The following HS3ST4 variants were observed in gnomAD, a reference collection of about 807,000 sequenced individuals.
HS3ST4 encodes the protein heparan sulfate-glucosamine 3-sulfotransferase 4.
A neutral mutation model predicts 29.2 loss-of-function variants in HS3ST4; 17 were observed. The ratio of observed to expected loss-of-function variants is 0.58; its 90% CI spans 0.40 to 0.87. The LOEUF is 0.87. Ranked by LOEUF, HS3ST4 falls within the 40% of genes least tolerant of loss-of-function variation. The pLI is 0.00. For synonymous variants in HS3ST4, 314 were observed against 285.7 expected (o/e 1.10, Z -1.00); for missense variants, 627 against 634.5 (o/e 0.99, Z 0.13).
At chr16:25,786,008 A>G (rs939923282) in intron 1 of HS3ST4, among the ~76,000 whole-genome samples, 2 of 152,216 alleles carry the variant, frequency 1.3e-5, no homozygotes, top group Non-Finnish European at 2.9e-5. Flanking sequence ...TTGAAGACGT[A>G]GAATCAACAG....
chr16:25,814,307 T>C (rs1482900005), intron 1 of HS3ST4, among the ~76,000 whole-genome samples: 1 of 151,398 alleles, frequency 6.6e-6, no homozygotes, highest in Admixed American at 6.6e-5. Flanking sequence ...AAATAGAAGA[T>C]GCTCACTGAT....
intron 1 of HS3ST4, among the ~76,000 whole-genome samples, chr16:25,956,741 G>A (rs1411991923): frequency 6.6e-6 from 1 of 152,174 alleles, no homozygotes; most frequent in African/African-American, 2.4e-5. Flanking sequence ...GCTCATGCCT[G>A]TAATCCCAGC....
At chr16:25,717,510 GGTGTGT>G (rs763190199) in intron 1 of HS3ST4, among the ~76,000 whole-genome samples, 8,717 of 132,796 alleles carry the variant, frequency 0.066, 332 homozygotes, top group African/African-American at 0.13. Flanking sequence ...AAGGTGAAGG[GGTGTGT>G]GTGTGTGTGT....
intron 1 of HS3ST4, among the ~76,000 whole-genome samples, chr16:25,723,443 A>G (rs1966510302): frequency 6.6e-6 from 1 of 152,198 alleles, no homozygotes; most frequent in African/African-American, 2.4e-5. Flanking sequence ...TTGGATGGTT[A>G]TTTATAACTG....
intron 1 of HS3ST4, among the ~76,000 whole-genome samples, chr16:26,006,390 C>CT (rs989385140): frequency 1.9e-4 from 27 of 143,642 alleles, no homozygotes; most frequent in Non-Finnish European, 3.6e-4. Context: ...TGTTTGTTGG[C>CT]TTTTTTTAAG....
At chr16:26,007,587 C>T (rs1969269901) in intron 1 of HS3ST4, among the ~76,000 whole-genome samples, 1 of 152,178 alleles carries the variant, frequency 6.6e-6, no homozygotes, top group African/African-American at 2.4e-5. Flanking sequence ...TCACATCCAC[C>T]TTCATCCTCA....
At chr16:25,903,204 C>T (rs1053391061) in intron 1 of HS3ST4, among the ~76,000 whole-genome samples, 6 of 151,012 alleles carry the variant, frequency 4.0e-5, no homozygotes, top group African/African-American at 1.5e-4. Context: ...TTTTTTCTCC[C>T]ACTATACCCT....
chr16:25,692,951 C>T lies in HS3ST4; in HGVS notation c.534C>T (p.Asn178=). The change falls in exon 1 of 2, where the codon AAC becomes AAT. Residue 178 remains asparagine (N), a synonymous_variant. Transcript: ENST00000331351. ...ATCTCGCAGGCCGGAGAGCGGCCAA[C>T]GGGAGCAGCGAGAGGGGCGGCGCCG... ...DEDLAGRRAA[N]GSSERGGAVS... 1 of 1,609,886 alleles carries T rather than the reference C, an allele frequency of 6.2e-7. No individual in the cohort carries two copies. The highest frequency in any genetic ancestry group is 8.5e-7 in the Non-Finnish European group (1 of 1,178,774).
chr16:26,084,523 A>C (rs1360260753), intron 1 of HS3ST4, among the ~76,000 whole-genome samples: 1 of 152,170 alleles, frequency 6.6e-6, no homozygotes, highest in Admixed American at 6.5e-5. Context: ...TGAAGTATTA[A>C]ATGTTGCCTG....
At chr16:26,084,605 GA>G (rs1222939208) in intron 1 of HS3ST4, among the ~76,000 whole-genome samples, 3 of 149,990 alleles carry the variant, frequency 2.0e-5, no homozygotes, top group Non-Finnish European at 2.9e-5. Context: ...TCAAATGGTT[GA>G]AAAAAATTTT....
At chr16:25,734,029 A>C (rs532872669) in intron 1 of HS3ST4, among the ~76,000 whole-genome samples, 2 of 152,234 alleles carry the variant, frequency 1.3e-5, no homozygotes, top group Non-Finnish European at 2.9e-5. Flanking sequence ...AGGCAGAAGA[A>C]TCGCTTGAAC....
intron 1 of HS3ST4, among the ~76,000 whole-genome samples, chr16:25,820,732 G>C (rs115978608): frequency 6.6e-6 from 1 of 152,166 alleles, no homozygotes; most frequent in African/African-American, 2.4e-5. Flanking sequence ...ACCAGACCTG[G>C]CTAATTTTTT....
intron 1 of HS3ST4, among the ~76,000 whole-genome samples, chr16:25,900,630 T>G (rs556999424): frequency 1.3e-5 from 2 of 152,200 alleles, no homozygotes; most frequent in African/African-American, 4.8e-5. Context: ...TATTGCTCCC[T>G]TATTACCCGA....
At chr16:25,820,728 C>A (rs938076405) in intron 1 of HS3ST4, among the ~76,000 whole-genome samples, 1 of 152,092 alleles carries the variant, frequency 6.6e-6, no homozygotes, top group African/African-American at 2.4e-5. Flanking sequence ...CACCACCAGA[C>A]CTGGCTAATT....
chr16:25,722,403 G>GGTCC (rs1966503561), intron 1 of HS3ST4, among the ~76,000 whole-genome samples: 1 of 152,140 alleles, frequency 6.6e-6, no homozygotes, highest in Non-Finnish European at 1.5e-5. Flanking sequence ...TATTTGTGTA[G>GGTCC]GTCCAATACA....
chr16:25,920,606 C>CT (rs1555472477), intron 1 of HS3ST4, among the ~76,000 whole-genome samples: 24 of 147,664 alleles, frequency 1.6e-4, no homozygotes, highest in Non-Finnish European at 2.7e-4. Flanking sequence ...GCCCCCACCC[C>CT]TCTTTTTTTT....
chr16:25,811,015 G>A (rs1567244892), intron 1 of HS3ST4, among the ~76,000 whole-genome samples: 1 of 152,176 alleles, frequency 6.6e-6, no homozygotes, highest in Admixed American at 6.5e-5. Context: ...TTTGGAGAAT[G>A]ACAATGATGG....
chr16:25,928,157 T>G (rs986230612), intron 1 of HS3ST4, among the ~76,000 whole-genome samples: 3 of 151,106 alleles, frequency 2.0e-5, no homozygotes, highest in Non-Finnish European at 2.9e-5. Context: ...GATCACGCCA[T>G]TGCACTCCAG....
At chr16:25,952,426 A>C (rs1400977230) in intron 1 of HS3ST4, among the ~76,000 whole-genome samples, 2 of 152,064 alleles carry the variant, frequency 1.3e-5, no homozygotes, top group African/African-American at 4.8e-5. Context: ...CAGGTAGGCA[A>C]CTCCATCAGG....
Sources: allele counts gnomAD v4.1 joint callset (sites outside exome capture counted in the v4.1 genomes callset), GRCh38; gene constraint gnomAD v4.1.1; transcripts MANE v1.5; gene names NCBI Gene and HGNC (gene_info 2026-07-23, HGNC 2026-07-21).